Variants in FAM13B observed in about 807,000 individuals in gnomAD.
FAM13B encodes protein FAM13B.
In FAM13B, 60 loss-of-function variants were observed where a neutral mutation model predicts 117.3. The observed-to-expected ratio is 0.51, with a 90% CI of 0.42 to 0.63. The LOEUF is 0.63. Ranked by LOEUF, FAM13B falls within the 30% of genes least tolerant of loss-of-function variation. The pLI, the probability that FAM13B is intolerant of heterozygous loss-of-function variation, is 0.00. For missense variants in FAM13B, 972 were observed against 1,091.9 expected, an observed-to-expected ratio of 0.89 and a Z score of 1.55; for synonymous variants, 332 against 356.1, an observed-to-expected ratio of 0.93 and a Z score of 0.76.
intron 1 of FAM13B, among the ~76,000 whole-genome samples, chr5:138,038,931 G>C (rs1791383102): frequency 6.6e-6 from 1 of 152,154 alleles, no homozygotes; most frequent in Non-Finnish European, 1.5e-5. Flanking sequence ...TGGTGGAATA[G>C]AACCAAAGTT....
In FAM13B at chr5:137,946,295, T is replaced by C. The variant is rs1763407414; in HGVS notation, c.2177A>G (p.His726Arg). Reference sequence around the variant, plus strand: ...AAGAGAAGCTTTCTCTTCTACCAAATGATCTTTGGTCATTTTCTGGAATTA... The same window carrying C: ...AAGAGAAGCTTTCTCTTCTACCAAACGATCTTTGGTCATTTTCTGGAATTA... ...PEDIKKMTKD[H>R]LVEEKASLQK... is the part of the protein sequence containing the mutation. The change falls in exon 19 of 24, where the codon CAT (histidine) becomes CGT (arginine). Residue 726 changes from histidine to arginine, a missense_variant. His to Arg is a conservative substitution (Grantham distance 29). Coordinates refer to ENST00000689681, the MANE Select transcript of FAM13B (RefSeq NM_001385994.1). 1 of 1,566,890 alleles carries C rather than the reference T, an allele frequency of 6.4e-7. No individual in the cohort carries two copies. The highest frequency in any genetic ancestry group is 1.4e-5 in the African/African-American group (1 of 71,718).
At position 138,032,767 on chromosome 5, in the gene FAM13B, C is replaced by G. The variant is rs1790502324; in HGVS notation, c.-203+15G>C. 1.0e-6 allele frequency: 1 copy of G among 985,718 alleles called. No individual in the cohort carries two copies. The highest frequency in any genetic ancestry group is 1.2e-6 in the Non-Finnish European group (1 of 829,990). 61.1% of individuals were successfully genotyped at this position (985,718 alleles called of 1,614,324 possible). On this transcript the variant is annotated intron_variant, in intron 1 of 23. Transcript: ENST00000689681. The stretch of plus-strand genomic sequence containing the variant: ...CCGCGCATGCGCAGATCCGGGTACC[C>G]GCCCGTTTACCTACCGTTGGAACCG...
chr5:138,018,233 G>A (rs1446553729), intron 4 of FAM13B, 69 bp downstream of exon 4: 4 of 1,243,426 alleles, frequency 3.2e-6, no homozygotes, highest in African/African-American at 3.0e-5. Flanking sequence ...TACATGTCAA[G>A]ATTTCTAAAA....
chr5:137,962,706 T>C (rs566578944), intron 10 of FAM13B, among the ~76,000 whole-genome samples: 9 of 152,142 alleles, frequency 5.9e-5, no homozygotes, highest in Non-Finnish European at 1.2e-4. Flanking sequence ...TTAGGTAATA[T>C]GTATCACCAC....
At chr5:138,007,662 A>G (rs1424696181) in intron 6 of FAM13B, among the ~76,000 whole-genome samples, 1 of 152,054 alleles carries the variant, frequency 6.6e-6, no homozygotes, top group Non-Finnish European at 1.5e-5. Context: ...ATTCATGAAG[A>G]GATGGAATCC....
chr5:137,961,314 A>AAACAACAACAAC (rs56832242), intron 11 of FAM13B, among the ~76,000 whole-genome samples: 1,672 of 151,282 alleles, frequency 0.011, 20 homozygotes, highest in African/African-American at 0.035. Context: ...CTTTTTCCAA[A>AAACAACAACAAC]AACAACAACA....
At position 137,960,206 on chromosome 5, in the gene FAM13B, T is replaced by C; in HGVS notation, c.1253A>G (p.Tyr418Cys). 6.6e-7 allele frequency: 1 copy of C among 1,508,370 alleles called. No individual in the cohort carries two copies. The highest frequency in any genetic ancestry group is 9.1e-7 in the Non-Finnish European group (1 of 1,099,304). The allele number at this position is 1,508,370 out of a possible 1,614,324, so 93.4% of individuals were successfully genotyped here. The change falls in exon 12 of 24, where the codon TAT (tyrosine) becomes TGT (cysteine). Residue 418 changes from tyrosine to cysteine, a missense_variant. Tyr to Cys is a radical substitution (Grantham distance 194, BLOSUM62 -2). Transcript: ENST00000689681. ...CAATTTATCACTGTCAAATAACAAATATTCTTCCCTAAAAATACAAGTAAA... is the reference window on the plus strand; with the variant it reads ...CAATTTATCACTGTCAAATAACAAACATTCTTCCCTAAAAATACAAGTAAA... Reference protein sequence around the residue: ...SEDGCLEREEYLLFDSDKLSH... With the variant: ...SEDGCLEREECLLFDSDKLSH...
upstream of FAM13B, chr5:138,036,193 C>A (rs975108496): frequency 2.8e-6 from 1 of 352,436 alleles, no homozygotes; most frequent in African/African-American, 2.1e-5. Flanking sequence ...GTTTTTCCAG[C>A]AGGTGGCAGT....
In FAM13B at chr5:137,967,389, TG is replaced by T. The variant is rs1211933223; in HGVS notation, c.1180-4921del. 5.3e-5 allele frequency among the ~76,000 whole-genome samples: 8 copies of T among 152,060 alleles called. 1 individual carries two copies. The highest frequency in any genetic ancestry group is 1.7e-4 in the African/African-American group (7 of 41,412). ...AAATACAAAAGTTAGCTGGGCGTGG[TG>T]GCAGGTGCCTGCAATCCTAGCTACT... On this transcript the variant is annotated intron_variant, in intron 10 of 23. Coordinates refer to ENST00000689681, the MANE Select transcript of FAM13B (RefSeq NM_001385994.1).
At position 137,939,999 on chromosome 5, in the gene FAM13B, AGGTGGAGAG is replaced by A; in HGVS notation, c.*217_*225del. On this transcript the variant is annotated 3_prime_UTR_variant, in exon 24 of 24. Coordinates refer to ENST00000689681, the MANE Select transcript of FAM13B (RefSeq NM_001385994.1). ...ATGAAGTAAACCATATGTTTGCTAAAGGTGGAGAGGACAGTCTGTGGTTAATATGGAACA... is the reference window on the plus strand; with the variant it reads ...ATGAAGTAAACCATATGTTTGCTAAAGACAGTCTGTGGTTAATATGGAACA... The A allele has an allele frequency of 6.3e-7, 1 of 1,589,298 alleles. No homozygotes were observed. The highest frequency in any genetic ancestry group is 8.6e-7 in the Non-Finnish European group (1 of 1,168,220).
intron 1 of FAM13B, among the ~76,000 whole-genome samples, chr5:138,024,812 CAGAGAGAGAG>C (rs4033316): frequency 2.8e-5 from 4 of 144,280 alleles, no homozygotes; most frequent in African/African-American, 5.1e-5. Context: ...CACACACACA[CAGAGAGAGAG>C]AGAGAGAGAG....
At chr5:137,970,915 C>G (rs1771912633) in intron 10 of FAM13B, among the ~76,000 whole-genome samples, 1 of 152,088 alleles carries the variant, frequency 6.6e-6, no homozygotes, top group Non-Finnish European at 1.5e-5. Context: ...AGCTAACTAT[C>G]CTAAATATAT....
chr5:138,025,313 A>ATATTTTT (rs1788041739), intron 1 of FAM13B, among the ~76,000 whole-genome samples: 1 of 111,198 alleles, frequency 9.0e-6, no homozygotes, highest in Non-Finnish European at 1.8e-5. Context: ...ATATATATGT[A>ATATTTTT]TTTTTTTTTT....
intron 7 of FAM13B, among the ~76,000 whole-genome samples, chr5:137,990,152 T>C (rs1778252318): frequency 1.3e-5 from 2 of 152,246 alleles, no homozygotes; most frequent in Admixed American, 1.3e-4. Flanking sequence ...TTACAAAAGT[T>C]AAATCTTTAT....
Position 138,007,136 on chromosome 5 carries a change from A to C in FAM13B, c.702T>G (p.Leu234=), listed in dbSNP as rs1409432442. The C allele has an allele frequency of 6.2e-7, 1 of 1,608,088 alleles. No individual in the cohort carries two copies. Among genetic ancestry groups the C allele is most frequent in the Non-Finnish European group, 8.5e-7 (1 of 1,177,840 alleles). Residue 234 remains leucine, a synonymous_variant, in exon 7 of 24, where the codon CTT becomes CTG. Coordinates refer to ENST00000689681, the MANE Select transcript of FAM13B (RefSeq NM_001385994.1). ...TTTCATCTTCCTCTTCTTCCTCAGA[A>C]AGTTCATTAACCTATATAAATAAAA... The part of the protein sequence containing the change: ...LSSITEQVNE[L]SEEEEEDEKL...
rs1444718596 is a variant in FAM13B at position 137,956,481 on chromosome 5, C to T, written c.1503G>A (p.Gly501=). The change falls in exon 14 of 24, where the codon GGG becomes GGA. Residue 501 remains glycine, a synonymous_variant. Transcript: ENST00000689681. ...DFKTMHLQRD[G]EEPFPAFKSW... is the part of the protein sequence containing the mutation. ...ACTATGGTGAACCATACTTACCCTC[C>T]CCATCTCTCTGCAGATGCATTGTTT... 1.3e-6 allele frequency: 2 copies of T among 1,597,180 alleles called. No homozygotes were observed. Among genetic ancestry groups the T allele is most frequent in the Admixed American group, 1.7e-5 (1 of 58,138 alleles).
Position 138,021,089 on chromosome 5 carries a change from G to A in FAM13B, c.-94C>T. On this transcript the variant is annotated 5_prime_UTR_variant, in exon 2 of 24. An upstream open reading frame in the 5' UTR gains an earlier in-frame stop. Transcript: ENST00000689681. Reference sequence around the variant, plus strand: ...GGCTTCTGCACCAGCTACCCTCACTGAGCAAGCATTCTTTTGTCATTTATG... The same window carrying A: ...GGCTTCTGCACCAGCTACCCTCACTAAGCAAGCATTCTTTTGTCATTTATG... The A allele has an allele frequency of 8.1e-7, 1 of 1,231,636 alleles. No individual in the cohort carries two copies. The highest frequency in any genetic ancestry group is 1.0e-6 in the Non-Finnish European group (1 of 987,932). 76.3% of individuals were successfully genotyped at this position (1,231,636 alleles called of 1,614,324 possible).
At chr5:137,968,922 CA>C (rs1771050885) in intron 10 of FAM13B, among the ~76,000 whole-genome samples, 1 of 152,210 alleles carries the variant, frequency 6.6e-6, no homozygotes, top group Non-Finnish European at 1.5e-5. Context: ...AACGGCACAC[CA>C]GGACATTATA....
intron 10 of FAM13B, among the ~76,000 whole-genome samples, chr5:137,975,294 T>G (rs558779319): frequency 6.6e-6 from 1 of 152,326 alleles, no homozygotes; most frequent in East Asian, 1.9e-4. Flanking sequence ...TCTAAATTTC[T>G]AATCCACCCA....
Sources: allele counts gnomAD v4.1 joint callset (sites outside exome capture counted in the v4.1 genomes callset), GRCh38; gene constraint gnomAD v4.1.1; transcripts MANE v1.5; gene names NCBI Gene and HGNC (gene_info 2026-07-23, HGNC 2026-07-21).